Variants in ANK3 observed in about 807,000 individuals in gnomAD.
ANK3 encodes ankyrin-3.
In ANK3, 57 loss-of-function variants were observed where a neutral mutation model predicts 370.9. That is an observed-to-expected ratio of 0.15 (90% confidence interval 0.12 to 0.19). The LOEUF (loss-of-function observed/expected upper bound fraction) is 0.19. Ranked by LOEUF, ANK3 falls within the 10% of genes least tolerant of loss-of-function variation. The pLI is 1.00. For synonymous variants in ANK3, 1,929 were observed against 1,946.3 expected, an observed-to-expected ratio of 0.99 and a Z score of 0.23; for missense variants, 4,439 against 5,302.1, an observed-to-expected ratio of 0.84 and a Z score of 5.06.
At chr10:60,571,018 T>A (rs758302274) in intron 2 of ANK3, among the ~76,000 whole-genome samples, 1 of 151,672 alleles carries the variant, frequency 6.6e-6, no homozygotes, top group African/African-American at 2.4e-5. Flanking sequence ...TCAAGACACT[T>A]AAAGCCATAT....
rs1009694915 is a variant in ANK3 at position 60,202,208 on chromosome 10, G to A, written c.1392+794C>T. Reference sequence around the variant, plus strand: ...TCAATCTCAGCTCACCGCAACCTCCGCCTCCCAGGTTCAGGCAATTCTCCT... The same window carrying A: ...TCAATCTCAGCTCACCGCAACCTCCACCTCCCAGGTTCAGGCAATTCTCCT... On this transcript the variant is annotated intron_variant, in intron 12 of 43. Transcript: ENST00000280772. 4.6e-5 allele frequency among the ~76,000 whole-genome samples: 7 copies of A among 151,690 alleles called. No homozygotes were observed. In the South Asian group the frequency reaches 6.3e-4, roughly 14 times the overall value.
chr10:60,376,353 T>C (rs1373362645), intron 1 of ANK3, among the ~76,000 whole-genome samples: 1 of 152,202 alleles, frequency 6.6e-6, no homozygotes, highest in Non-Finnish European at 1.5e-5. Context: ...CAAATGAACA[T>C]GAGTACCCTC....
At chr10:60,114,373 T>C in intron 25 of ANK3, 42 bp from the exon 26 acceptor site, 4 of 1,116,162 alleles carry the variant, frequency 3.6e-6, no homozygotes, top group Non-Finnish European at 4.0e-6. Flanking sequence ...CAACAAACCA[T>C]ACAAGACTGA....
intron 42 of ANK3, among the ~76,000 whole-genome samples, chr10:60,048,949 G>A (rs930550563): frequency 6.6e-6 from 1 of 152,120 alleles, no homozygotes; most frequent in African/African-American, 2.4e-5. Flanking sequence ...ACAAGAGATG[G>A]TTCCCATGTC....
intron 8 of ANK3, among the ~76,000 whole-genome samples, chr10:60,214,968 A>T (rs187118740): frequency 6.6e-6 from 1 of 152,208 alleles, no homozygotes; most frequent in Non-Finnish European, 1.5e-5. Flanking sequence ...ACTAATTTAC[A>T]TTCCTACCAA....
intron 1 of ANK3, among the ~76,000 whole-genome samples, chr10:60,701,716 C>T (rs1270498913): frequency 1.3e-5 from 2 of 152,080 alleles, no homozygotes; most frequent in Non-Finnish European, 2.9e-5. Context: ...CCCATTGCAC[C>T]CTTCCAACAT....
chr10:60,522,045 A>C (rs2076360238), intron 2 of ANK3, among the ~76,000 whole-genome samples: 1 of 152,118 alleles, frequency 6.6e-6, no homozygotes, highest in Non-Finnish European at 1.5e-5. Context: ...ACACAGTGTG[A>C]TTAATCAGGG....
At position 60,089,389 on chromosome 10, in the gene ANK3, T is replaced by C. The variant is rs79729844; in HGVS notation, c.3329-1031A>G. On this transcript the variant is annotated intron_variant, in intron 28 of 43. Coordinates refer to ENST00000280772, the MANE Select transcript of ANK3 (RefSeq NM_020987.5). ...TCCTGTCACCCGGGTGTTCAGGCCC[T>C]GTTTTAGTTTGCCTAATTGCTAAGA... Among the ~76,000 whole-genome samples the C allele has an allele frequency of 4.9e-3, 743 of 152,180 alleles. 6 individuals carry two copies. The highest frequency in any genetic ancestry group is 6.2e-3 in the Non-Finnish European group (425 of 68,014).
At chr10:60,652,532 G>C (rs1254487726) in intron 1 of ANK3, among the ~76,000 whole-genome samples, 2 of 151,926 alleles carry the variant, frequency 1.3e-5, no homozygotes, top group African/African-American at 2.4e-5. Flanking sequence ...AGGAAATAGA[G>C]GCAGAGGCAT....
intron 7 of ANK3, among the ~76,000 whole-genome samples, chr10:60,254,222 CT>C (rs1013787957): frequency 4.9e-5 from 7 of 143,878 alleles, no homozygotes; most frequent in African/African-American, 1.5e-4. Flanking sequence ...ATGTTGTATT[CT>C]TTTTTATTGT....
intron 42 of ANK3, among the ~76,000 whole-genome samples, chr10:60,054,701 A>C (rs2078802021): frequency 6.6e-6 from 1 of 152,158 alleles, no homozygotes; most frequent in Non-Finnish European, 1.5e-5. Flanking sequence ...ATCAATCTTG[A>C]ACTCATTATT....
chr10:60,257,559 C>T (rs1269151972), intron 7 of ANK3, among the ~76,000 whole-genome samples: 1 of 152,198 alleles, frequency 6.6e-6, no homozygotes, highest in African/African-American at 2.4e-5. Context: ...TGAGTTATTT[C>T]ACACAAAAAT....
intron 1 of ANK3, among the ~76,000 whole-genome samples, chr10:60,724,209 CAA>C (rs398013720): frequency 1.1e-4 from 6 of 54,618 alleles, no homozygotes; most frequent in Middle Eastern, 7.8e-3. Context: ...GACTCCGTCT[CAA>C]AAAAAAAAAA....
At chr10:60,467,487 GT>G (rs1034889075) in intron 2 of ANK3, among the ~76,000 whole-genome samples, 3 of 152,058 alleles carry the variant, frequency 2.0e-5, no homozygotes, top group African/African-American at 7.2e-5. Context: ...TTTACAGAAG[GT>G]TTTTGAAAAA....
chr10:60,205,176 T>A (rs2096742635), intron 11 of ANK3, among the ~76,000 whole-genome samples: 1 of 152,168 alleles, frequency 6.6e-6, no homozygotes, highest in African/African-American at 2.4e-5. Flanking sequence ...TTGGTTCCTA[T>A]GAGAGAAACT....
intron 7 of ANK3, among the ~76,000 whole-genome samples, chr10:60,256,913 A>C (rs980839519): frequency 1.2e-4 from 19 of 152,214 alleles, no homozygotes; most frequent in African/African-American, 4.6e-4. Context: ...TTGCTATCAT[A>C]AATAGTGCTT....
intron 2 of ANK3, among the ~76,000 whole-genome samples, chr10:60,517,341 G>A (rs1216836858): frequency 6.6e-6 from 1 of 152,076 alleles, no homozygotes; most frequent in Non-Finnish European, 1.5e-5. Flanking sequence ...GGGATTACAG[G>A]TGTGAACCAC....
intron 1 of ANK3, among the ~76,000 whole-genome samples, chr10:60,699,753 A>G (rs368406020): frequency 5.9e-5 from 9 of 152,294 alleles, no homozygotes; most frequent in African/African-American, 1.9e-4. Flanking sequence ...TAGTTCATAT[A>G]TTGTTTAATG....
At chr10:60,361,543 T>G (rs2058608627) in intron 1 of ANK3, among the ~76,000 whole-genome samples, 2 of 152,208 alleles carry the variant, frequency 1.3e-5, no homozygotes, top group Non-Finnish European at 2.9e-5. Flanking sequence ...AAATATTTCA[T>G]CAATGTATTA....
Sources: allele counts gnomAD v4.1 joint callset (sites outside exome capture counted in the v4.1 genomes callset), GRCh38; gene constraint gnomAD v4.1.1; transcripts MANE v1.5; gene names NCBI Gene and HGNC (gene_info 2026-07-23, HGNC 2026-07-21).